NTRK1: variants seen among roughly 807,000 people sequenced by gnomAD.
NTRK1 encodes high affinity nerve growth factor receptor.
A neutral mutation model predicts 86.8 loss-of-function variants in NTRK1; 62 were observed. That is an observed-to-expected ratio of 0.71 (90% CI 0.58 to 0.88). The LOEUF (loss-of-function observed/expected upper bound fraction) is 0.88. Among genes scored for constraint, NTRK1 ranks in the 40% least tolerant of loss-of-function variants. The probability of loss-of-function intolerance (pLI) is 0.00; values close to 1 mark genes in which losing one functional copy is unlikely to be tolerated. For synonymous variants in NTRK1, 469 were observed against 456.6 expected (o/e 1.03, Z -0.35); for missense variants, 967 against 1,078.4 (o/e 0.90, Z 1.45).
intron 4 of NTRK1, 143 bp from the exon 5 acceptor site, chr1:156,867,961 G>A (rs1363403687): frequency 1.4e-5 from 13 of 916,534 alleles, no homozygotes; most frequent in East Asian, 2.4e-5. Flanking sequence ...ATAACATCCT[G>A]TTACTGGAGT....
In NTRK1 at chr1:156,879,193, A is replaced by G. The variant is rs1180892588; in HGVS notation, c.1877A>G (p.Gln626Arg). The change falls in exon 15 of 17, where the codon CAG becomes CGG. Residue 626 changes from glutamine (Q) to arginine (R), a missense_variant. Physicochemically the swap from Gln to Arg is conservative, Grantham distance 43. Coordinates refer to ENST00000524377, the MANE Select transcript of NTRK1 (RefSeq NM_002529.4). ...GCTCCAGGCCCCCTGGGTCTGGGGC[A>G]GCTGCTGGCCGTGGCTAGCCAGGTC... ...DVAPGPLGLG[Q>R]LLAVASQVAA... is the part of the protein sequence containing the mutation. 6.2e-7 allele frequency: 1 copy of G among 1,613,078 alleles called. No homozygotes were observed. The highest frequency in any genetic ancestry group is 1.7e-5 in the Admixed American group (1 of 59,982).
At chr1:156,857,399 A>G (rs933033331), upstream of NTRK1, among the ~76,000 whole-genome samples, 2 of 152,114 alleles carry the variant, frequency 1.3e-5, no homozygotes, top group African/African-American at 4.8e-5. Context: ...TGGAAAAACA[A>G]ATCTAAAACC....
At chr1:156,828,370 T>C (rs1654378202) in intron 1 of NTRK1, among the ~76,000 whole-genome samples, 1 of 152,160 alleles carries the variant, frequency 6.6e-6, no homozygotes, top group Admixed American at 6.5e-5. Flanking sequence ...AATGCTGGCA[T>C]GCAGGAGATG....
chr1:156,860,115 C>T (rs1041301976), upstream of NTRK1, among the ~76,000 whole-genome samples: 9 of 152,276 alleles, frequency 5.9e-5, no homozygotes, highest in African/African-American at 2.2e-4. Flanking sequence ...CTGCCTTGCC[C>T]TATCCTGCCC....
intron 2 of NTRK1, chr1:156,853,979 C>T (rs1358227315): frequency 5.6e-6 from 9 of 1,613,332 alleles, no homozygotes; most frequent in Non-Finnish European, 7.6e-6. Flanking sequence ...ACGCACAGCC[C>T]CACGCAGCAC....
chr1:156,844,963 G>A, intron 2 of NTRK1: 1 of 1,547,522 alleles, frequency 6.5e-7, no homozygotes, highest in Non-Finnish European at 8.8e-7. Context: ...TGGGAACTGA[G>A]AGGGGCAAGC....
chr1:156,826,547 C>G (rs1654321843), intron 1 of NTRK1, among the ~76,000 whole-genome samples: 2 of 152,068 alleles, frequency 1.3e-5, no homozygotes, highest in South Asian at 4.1e-4. Context: ...CCTCGGCCTC[C>G]CAAAGTGCTG....
chr1:156,845,140 G>GA, intron 2 of NTRK1: 1 of 1,612,052 alleles, frequency 6.2e-7, no homozygotes, highest in Non-Finnish European at 8.5e-7. Context: ...GCGCCGCGTG[G>GA]TTGCAGGCAT....
At chr1:156,835,318 A>G (rs1654571641) in intron 1 of NTRK1, among the ~76,000 whole-genome samples, 1 of 152,116 alleles carries the variant, frequency 6.6e-6, no homozygotes, top group Non-Finnish European at 1.5e-5. Context: ...ATGTCCTTGG[A>G]GAGTATGTAT....
rs780322767 is a variant in NTRK1, at chr1:156,878,375, C to G, written c.1806-747C>G. ...CTTTTTCCATTCCCACCCGTGGTGC[C>G]TGCCAGGTGCCCCTCACACTGCACT... On this transcript the variant is annotated intron_variant, in intron 14 of 16. Transcript: ENST00000524377. 1.5e-4 allele frequency among the ~76,000 whole-genome samples: 23 copies of G among 152,204 alleles called. 1 individual carries two copies. Among genetic ancestry groups the G allele is most frequent in the Non-Finnish European group, 4.4e-5 (3 of 68,044 alleles).
At position 156,846,630 on chromosome 1, in the gene NTRK1, G is replaced by A. The variant is rs1186290190; in HGVS notation, c.50+4437G>A. ...ACAAACACTGCGTACTGTGTCCAAG[G>A]CTTGAGGGAGGCTAGGGTCACCCCT... On this transcript the variant is annotated intron_variant, in intron 2 of 16. Coordinates refer to the NTRK1 transcript ENST00000392302. 7 of 1,614,098 alleles carry A rather than the reference G, an allele frequency of 4.3e-6. No homozygotes were observed. The South Asian group carries it at 7.7e-5, about 18-fold the overall frequency.
At chr1:156,875,104 A>G (rs1192366189) in intron 11 of NTRK1, 96 bp downstream of exon 11, 2 of 924,592 alleles carry the variant, frequency 2.2e-6, no homozygotes, top group African/African-American at 3.2e-5. Context: ...GGCTGTGCAC[A>G]TGGGAGTTCC....
At chr1:156,816,537 C>G in intron 1 of NTRK1, 1 of 730,442 alleles carries the variant, frequency 1.4e-6, no homozygotes, top group Non-Finnish European at 2.2e-6. Flanking sequence ...TGTGGTCACC[C>G]TGCCAATCAG....
chr1:156,867,604 A>T (rs1389462029), intron 4 of NTRK1, among the ~76,000 whole-genome samples: 1 of 145,394 alleles, frequency 6.9e-6, no homozygotes, highest in African/African-American at 2.6e-5. Context: ...AAGTGCCGGG[A>T]TAACAGGTGT....
At chr1:156,838,963 C>T (rs938851192) in intron 1 of NTRK1, among the ~76,000 whole-genome samples, 1 of 152,248 alleles carries the variant, frequency 6.6e-6, no homozygotes, top group African/African-American at 2.4e-5. Flanking sequence ...CGTGGAGTCT[C>T]TCTACCCTTT....
At chr1:156,815,789 G>A (rs542067267) in exon 1 of NTRK1, 1 of 1,613,624 alleles carries the variant, frequency 6.2e-7, no homozygotes, top group South Asian at 1.1e-5. Flanking sequence ...AGCTTCCAGA[G>A]GGCCTAGGAG....
intron 1 of NTRK1, among the ~76,000 whole-genome samples, chr1:156,862,803 C>T (rs1571683288): frequency 1.3e-5 from 2 of 152,122 alleles, no homozygotes; most frequent in African/African-American, 4.8e-5. Context: ...TTGAAACCCT[C>T]TGGGCAGGGG....
upstream of NTRK1, chr1:156,858,936 G>C (rs1655508528): frequency 5.6e-6 from 2 of 354,774 alleles, no homozygotes; most frequent in Admixed American, 3.8e-5. Flanking sequence ...ACAGGGTTCT[G>C]AGCAAAAGGC....
At chr1:156,833,965 A>C (rs1654530414) in intron 1 of NTRK1, among the ~76,000 whole-genome samples, 1 of 152,098 alleles carries the variant, frequency 6.6e-6, no homozygotes, top group Non-Finnish European at 1.5e-5. Flanking sequence ...AGCCTAGGGG[A>C]GTTAGCTTCT....
Sources: gnomAD v4.1 joint callset for allele counts (sites outside exome capture counted in the v4.1 genomes callset) on GRCh38, gnomAD v4.1.1 for gene constraint, MANE v1.5 for transcripts, NCBI Gene and HGNC (gene_info 2026-07-23, HGNC 2026-07-21) for gene names.